Variants in GAS2 observed in about 807,000 individuals in gnomAD.
GAS2 encodes the protein growth arrest specific 2.
Under a neutral mutation model 37.5 loss-of-function variants are expected in GAS2, and 20 were observed. The ratio of observed to expected loss-of-function variants is 0.53; its 90% CI spans 0.37 to 0.77. The LOEUF (loss-of-function observed/expected upper bound fraction) is 0.77. Ranked by LOEUF, GAS2 falls within the 30% of genes least tolerant of loss-of-function variation. GAS2 has a pLI of 0.00. For synonymous variants in GAS2, 144 were observed against 132.2 expected (o/e 1.09, Z -0.61); for missense variants, 336 against 373.4 (o/e 0.90, Z 0.82).
intron 7 of GAS2, among the ~76,000 whole-genome samples, chr11:22,767,799 G>A (rs1443457928): frequency 6.6e-6 from 1 of 152,144 alleles, no homozygotes; most frequent in Non-Finnish European, 1.5e-5. Context: ...TGGAAATGCT[G>A]CTGTTACAAG....
At chr11:22,649,205 A>G (rs1422028067) in intron 1 of GAS2, among the ~76,000 whole-genome samples, 1 of 151,800 alleles carries the variant, frequency 6.6e-6, no homozygotes, top group Non-Finnish European at 1.5e-5. Flanking sequence ...CTCTGTTTAT[A>G]TGCTGGATTA....
intron 1 of GAS2, among the ~76,000 whole-genome samples, chr11:22,659,931 AAGAAGG>A (rs2133844226): frequency 6.6e-6 from 1 of 151,310 alleles, no homozygotes; most frequent in South Asian, 2.1e-4. Context: ...GGAGGGAGGG[AAGAAGG>A]AGGGAAGGGA....
intron 7 of GAS2, among the ~76,000 whole-genome samples, chr11:22,771,706 T>C (rs772487475): frequency 2.1e-4 from 32 of 152,194 alleles, no homozygotes; most frequent in Non-Finnish European, 3.8e-4. Context: ...CCCCATATTA[T>C]AAATTCTACT....
intron 7 of GAS2, among the ~76,000 whole-genome samples, chr11:22,786,403 T>A (rs934039869): frequency 1.3e-5 from 2 of 152,136 alleles, no homozygotes; most frequent in South Asian, 4.1e-4. Flanking sequence ...ACCTAACAAG[T>A]CCTCCTATGT....
At chr11:22,655,012 G>T (rs1447756093) in intron 1 of GAS2, among the ~76,000 whole-genome samples, 11 of 152,134 alleles carry the variant, frequency 7.2e-5, no homozygotes, top group Admixed American at 3.9e-4. Flanking sequence ...TCCACCTTAA[G>T]TCCAAACGTC....
At chr11:22,774,836 T>A (rs1855169969) in intron 7 of GAS2, among the ~76,000 whole-genome samples, 1 of 152,076 alleles carries the variant, frequency 6.6e-6, no homozygotes, top group Non-Finnish European at 1.5e-5. Context: ...GAAAGTCATG[T>A]CTGAGATGAG....
chr11:22,788,222 G>T (rs755646111), intron 7 of GAS2, among the ~76,000 whole-genome samples: 1 of 152,292 alleles, frequency 6.6e-6, no homozygotes, highest in East Asian at 1.9e-4. Flanking sequence ...GAGGCCAAGA[G>T]ACATGAGAAA....
chr11:22,789,095 T>C (rs1176175256), intron 7 of GAS2, among the ~76,000 whole-genome samples: 1 of 150,928 alleles, frequency 6.6e-6, no homozygotes, highest in Admixed American at 6.6e-5. Context: ...AATTCAAATA[T>C]AATTATATAT....
chr11:22,746,442 A>T (rs930127634), intron 5 of GAS2, among the ~76,000 whole-genome samples: 5 of 152,228 alleles, frequency 3.3e-5, no homozygotes, highest in African/African-American at 9.6e-5. Context: ...CACAATAGCA[A>T]AGATGTGGAA....
At chr11:22,801,341 T>G (rs945899308) in intron 7 of GAS2, among the ~76,000 whole-genome samples, 1 of 152,066 alleles carries the variant, frequency 6.6e-6, no homozygotes, top group African/African-American at 2.4e-5. Context: ...TTCATTATGT[T>G]CTAAGTTAAC....
intron 7 of GAS2, among the ~76,000 whole-genome samples, chr11:22,760,137 AT>A (rs76734031): frequency 0.53 from 75,715 of 144,152 alleles, 20,537 homozygotes; most frequent in Middle Eastern, 0.66. Context: ...TTAATTTTTA[AT>A]TTTTTTTTTT....
intron 7 of GAS2, among the ~76,000 whole-genome samples, chr11:22,772,147 G>A (rs1855010979): frequency 1.3e-5 from 2 of 152,182 alleles, no homozygotes; most frequent in South Asian, 2.1e-4. Context: ...GAAAGGCATT[G>A]TATAGACTTA....
chr11:22,729,452 T>C (rs1852370951), intron 4 of GAS2, among the ~76,000 whole-genome samples: 1 of 151,890 alleles, frequency 6.6e-6, no homozygotes, highest in Admixed American at 6.6e-5. Context: ...TCATGCTTCT[T>C]GTCTTTTTTA....
intron 1 of GAS2, among the ~76,000 whole-genome samples, chr11:22,651,775 C>A (rs566781200): frequency 9.5e-4 from 145 of 152,312 alleles, no homozygotes; most frequent in African/African-American, 3.4e-3. Flanking sequence ...TCCATCAGCT[C>A]CTTTAAGCAC....
intron 3 of GAS2, among the ~76,000 whole-genome samples, chr11:22,712,166 C>T (rs1851438762): frequency 6.6e-6 from 1 of 152,222 alleles, no homozygotes. Context: ...CTAATTCTAC[C>T]ACCTGACACA....
chr11:22,768,587 G>T (rs543316055), intron 7 of GAS2, among the ~76,000 whole-genome samples: 14 of 152,140 alleles, frequency 9.2e-5, no homozygotes, highest in Non-Finnish European at 1.0e-4. Flanking sequence ...CACAAACTCC[G>T]TGGGAACAAA....
chr11:22,785,208 A>G (rs553405215), intron 7 of GAS2, among the ~76,000 whole-genome samples: 1 of 152,284 alleles, frequency 6.6e-6, no homozygotes, highest in South Asian at 2.1e-4. Flanking sequence ...ATCCCCCCAT[A>G]GCACTCAGAA....
intron 4 of GAS2, among the ~76,000 whole-genome samples, chr11:22,736,654 A>G (rs1398426538): frequency 6.6e-6 from 1 of 152,102 alleles, no homozygotes; most frequent in Non-Finnish European, 1.5e-5. Context: ...AGAATATTTA[A>G]GTGAATAGAA....
intron 7 of GAS2, among the ~76,000 whole-genome samples, chr11:22,774,976 GA>G (rs1367573942): frequency 6.6e-6 from 1 of 152,070 alleles, no homozygotes; most frequent in Non-Finnish European, 1.5e-5. Flanking sequence ...GGAAGAGAGA[GA>G]GAGAGAGAGA....
Sources: allele counts gnomAD v4.1 joint callset (sites outside exome capture counted in the v4.1 genomes callset), GRCh38; gene constraint gnomAD v4.1.1; transcripts MANE v1.5; gene names NCBI Gene and HGNC (gene_info 2026-07-23, HGNC 2026-07-21).